The following RALB variants were observed in gnomAD, a reference collection of about 807,000 sequenced individuals.
The protein encoded by RALB is RAS like proto-oncogene B.
A neutral mutation model predicts 21.3 loss-of-function variants in RALB; 16 were observed. The observed-to-expected ratio is 0.75, with a 90% confidence interval of 0.51 to 1.14. The LOEUF is 1.14. Ranked by LOEUF, RALB falls within the 50% of genes most tolerant of loss-of-function variation. The pLI is 0.00. For synonymous variants in RALB, 93 were observed against 96.1 expected (o/e 0.97, Z 0.19); for missense variants, 161 against 256.2 (o/e 0.63, Z 2.54).
At chr2:120,262,237 A>G (rs919777892) in intron 1 of RALB, among the ~76,000 whole-genome samples, 1 of 152,184 alleles carries the variant, frequency 6.6e-6, no homozygotes, top group Non-Finnish European at 1.5e-5. Context: ...TGGGGCTAAC[A>G]GAGGTACTGA....
intron 3 of RALB, among the ~76,000 whole-genome samples, chr2:120,289,254 T>TG (rs1245202107): frequency 1.3e-5 from 2 of 151,352 alleles, no homozygotes; most frequent in Admixed American, 6.6e-5. Flanking sequence ...GTTTTTTTTT[T>TG]TGTGTGTGCA....
At chr2:120,253,296 G>A (rs1029209402) in intron 1 of RALB, 1 of 728,624 alleles carries the variant, frequency 1.4e-6, no homozygotes, top group Non-Finnish European at 1.7e-6. Flanking sequence ...TCCTGCCGCG[G>A]GCCTCCCGCT....
At chr2:120,280,189 T>C (rs1404762867) in intron 2 of RALB, among the ~76,000 whole-genome samples, 1 of 152,000 alleles carries the variant, frequency 6.6e-6, no homozygotes. Flanking sequence ...TCAATAGAGG[T>C]TTCCTAAATT....
Position 120,294,050 on chromosome 2 carries a change from G to A in RALB, c.*790G>A. ...TTGCCACTTGTGTAGATATTTTTAA[G>A]TTCTTTGGCTAAGTCCTCTCCTAAC... is the stretch of plus-strand genomic sequence containing the variant. On this transcript the variant is annotated 3_prime_UTR_variant, in exon 5 of 5. Transcript: ENST00000272519. 1 of 397,638 alleles carries A rather than the reference G, an allele frequency of 2.5e-6. No homozygotes were observed. 24.6% of individuals were successfully genotyped at this position (397,638 alleles called of 1,614,324 possible).
intron 2 of RALB, among the ~76,000 whole-genome samples, chr2:120,284,001 C>G (rs1344603813): frequency 2.6e-5 from 4 of 152,176 alleles, no homozygotes; most frequent in Admixed American, 2.0e-4. Flanking sequence ...CTCTGGCTGG[C>G]TTTATCCTTG....
intron 1 of RALB, among the ~76,000 whole-genome samples, chr2:120,259,790 G>C (rs1056783837): frequency 5.3e-5 from 8 of 152,206 alleles, no homozygotes; most frequent in Non-Finnish European, 1.2e-4. Flanking sequence ...ACTGGGCGCC[G>C]TGGAGCAGGG....
At chr2:120,260,297 C>T (rs1025548565) in intron 1 of RALB, among the ~76,000 whole-genome samples, 26 of 152,270 alleles carry the variant, frequency 1.7e-4, no homozygotes, top group Admixed American at 3.3e-4. Flanking sequence ...TGAGGATTTC[C>T]AGCATGCTGT....
At chr2:120,278,066 AGT>A (rs1689886655) in intron 1 of RALB, among the ~76,000 whole-genome samples, 1 of 145,526 alleles carries the variant, frequency 6.9e-6, no homozygotes, top group South Asian at 2.3e-4. Context: ...AGCGTGTGTG[AGT>A]GTGAGCATGT....
intron 3 of RALB, among the ~76,000 whole-genome samples, chr2:120,289,366 G>C (rs1436427238): frequency 2.0e-5 from 3 of 152,004 alleles, no homozygotes; most frequent in Non-Finnish European, 4.4e-5. Context: ...CATCCCAGGG[G>C]ATTCTGATGT....
chr2:120,259,193 A>AT (rs1174061272), intron 1 of RALB, among the ~76,000 whole-genome samples: 6 of 152,232 alleles, frequency 3.9e-5, no homozygotes, highest in Non-Finnish European at 8.8e-5. Flanking sequence ...CAAAGCTTCC[A>AT]CAGCGTAGAA....
rs951156388 is a variant in RALB at position 120,294,030 on chromosome 2, A to C, written c.*770A>C. 5.0e-6 allele frequency: 2 copies of C among 397,766 alleles called. No individual in the cohort carries two copies. Among genetic ancestry groups the C allele is most frequent in the Non-Finnish European group, 8.9e-6 (2 of 225,964 alleles). The allele number at this position is 397,766 out of a possible 1,614,324, so 24.6% of individuals were successfully genotyped here. Reference sequence around the variant, plus strand: ...TGCATTATAAATGACACACATTGCCACTTGTGTAGATATTTTTAAGTTCTT... The same window carrying C: ...TGCATTATAAATGACACACATTGCCCCTTGTGTAGATATTTTTAAGTTCTT... On this transcript the variant is annotated 3_prime_UTR_variant, in exon 5 of 5. Transcript: ENST00000272519.
intron 1 of RALB, chr2:120,253,491 C>T: frequency 1.0e-6 from 1 of 985,778 alleles, no homozygotes; most frequent in Non-Finnish European, 1.2e-6. Flanking sequence ...AGTTGTTTCT[C>T]CCCCAGCCTC....
chr2:120,244,343 G>A (rs370356917), intron 1 of RALB, among the ~76,000 whole-genome samples: 2 of 151,440 alleles, frequency 1.3e-5, no homozygotes, highest in African/African-American at 4.9e-5. Context: ...ACATGAGGCA[G>A]CCTTGGTTGG....
intron 1 of RALB, chr2:120,253,577 C>T (rs1460437153): frequency 1.0e-6 from 1 of 985,422 alleles, no homozygotes. Context: ...GCATCGCCGT[C>T]CCGGTTCTTG....
intron 1 of RALB, among the ~76,000 whole-genome samples, chr2:120,255,338 G>C (rs1332446710): frequency 6.6e-6 from 1 of 152,166 alleles, no homozygotes; most frequent in Admixed American, 6.5e-5. Context: ...CAGAGGAAAA[G>C]GAACTCTTCC....
upstream of RALB, among the ~76,000 whole-genome samples, chr2:120,252,447 TTCTG>T (rs995452096): frequency 6.6e-6 from 1 of 152,222 alleles, no homozygotes; most frequent in Non-Finnish European, 1.5e-5. Flanking sequence ...TTTCTTCTGT[TTCTG>T]TATGATCAGG....
chr2:120,258,682 G>A (rs886520374), intron 1 of RALB, among the ~76,000 whole-genome samples: 5 of 152,230 alleles, frequency 3.3e-5, no homozygotes, highest in Non-Finnish European at 7.3e-5. Flanking sequence ...TGGAAGAAGT[G>A]CATGGCTTTG....
At chr2:120,247,681 G>C (rs1337689947) in intron 1 of RALB, among the ~76,000 whole-genome samples, 2 of 152,244 alleles carry the variant, frequency 1.3e-5, no homozygotes, top group African/African-American at 4.8e-5. Context: ...TAAAGGGCAA[G>C]AGCTTTTTTT....
intron 1 of RALB, among the ~76,000 whole-genome samples, chr2:120,275,217 C>G (rs556203118): frequency 6.6e-6 from 1 of 152,346 alleles, no homozygotes; most frequent in East Asian, 1.9e-4. Flanking sequence ...AAAGGTGTCT[C>G]AATTCTAACT....
Sources: gnomAD v4.1 joint callset for allele counts (sites outside exome capture counted in the v4.1 genomes callset) on GRCh38, gnomAD v4.1.1 for gene constraint, MANE v1.5 for transcripts, NCBI Gene and HGNC (gene_info 2026-07-23, HGNC 2026-07-21) for gene names.